The following OR51B5 variants were observed in gnomAD, a reference collection of about 807,000 sequenced individuals.
OR51B5 encodes the protein olfactory receptor family 51 subfamily B member 5.
For synonymous variants in OR51B5, 186 were observed against 144.8 expected (o/e 1.28, Z -2.04); for missense variants, 456 against 374.6 (o/e 1.22, Z -1.79).
At chr11:5,496,673 A>C (rs1436644207) in intron 1 of OR51B5, among the ~76,000 whole-genome samples, 1 of 152,108 alleles carries the variant, frequency 6.6e-6, no homozygotes, top group Non-Finnish European at 1.5e-5. Context: ...TTTTCAGTGC[A>C]CCTTTGAGTG....
At chr11:5,505,027 A>C (rs1846351551) in intron 1 of OR51B5, among the ~76,000 whole-genome samples, 1 of 152,256 alleles carries the variant, frequency 6.6e-6, no homozygotes, top group Admixed American at 6.5e-5. Context: ...CCTGATGAGC[A>C]GGGCTTAACT....
At chr11:5,505,042 A>C (rs966393878) in intron 1 of OR51B5, among the ~76,000 whole-genome samples, 1 of 152,222 alleles carries the variant, frequency 6.6e-6, no homozygotes, top group Non-Finnish European at 1.5e-5. Flanking sequence ...TTAACTTCAA[A>C]GGAGCCTCAG....
chr11:5,383,145 AG>A (rs1363736246), intron 1 of OR51B5, among the ~76,000 whole-genome samples: 2 of 152,062 alleles, frequency 1.3e-5, no homozygotes, highest in Non-Finnish European at 2.9e-5. Context: ...GAAGGAAAAA[AG>A]TTTTGTAAAG....
At chr11:5,415,042 A>C (rs1850218020) in intron 1 of OR51B5, among the ~76,000 whole-genome samples, 1 of 152,242 alleles carries the variant, frequency 6.6e-6, no homozygotes, top group Non-Finnish European at 1.5e-5. Context: ...TCTCCTCAGC[A>C]AATGTAAAAG....
At position 5,422,718 on chromosome 11, in the gene OR51B5, C is replaced by T. The variant is rs963859099; in HGVS notation, n.85-75808G>A. On this transcript the variant is annotated intron_variant and non_coding_transcript_variant, in intron 1 of 4. Coordinates refer to the OR51B5 transcript ENST00000415970. ...CTCAAGCGACTGCCTTTCTGCCACTCCCACCTTCTCTCTCGCTCCTATTGC... is the reference window on the plus strand; with the variant it reads ...CTCAAGCGACTGCCTTTCTGCCACTTCCACCTTCTCTCTCGCTCCTATTGC... 3 of 1,613,924 alleles carry T rather than the reference C, an allele frequency of 1.9e-6. No homozygotes were observed. The African/African-American group carries it at 4.0e-5, about 22-fold the overall frequency.
At chr11:5,464,739 A>G (rs1453103340) in intron 1 of OR51B5, among the ~76,000 whole-genome samples, 1 of 152,200 alleles carries the variant, frequency 6.6e-6, no homozygotes, top group Non-Finnish European at 1.5e-5. Context: ...TAATGCCACA[A>G]TAAACATACG....
intron 1 of OR51B5, among the ~76,000 whole-genome samples, chr11:5,476,369 T>TG (rs944389161): frequency 6.6e-6 from 1 of 152,198 alleles, no homozygotes; most frequent in African/African-American, 2.4e-5. Context: ...CACCAGCATT[T>TG]GAACCTAGGT....
intron 1 of OR51B5, among the ~76,000 whole-genome samples, chr11:5,472,468 A>C (rs1439898135): frequency 6.6e-6 from 1 of 152,112 alleles, no homozygotes; most frequent in African/African-American, 2.4e-5. Context: ...CACACACTGC[A>C]CACAGCCCCA....
chr11:5,481,085 T>C (rs1241686407), intron 1 of OR51B5, among the ~76,000 whole-genome samples: 1 of 61,998 alleles, frequency 1.6e-5, no homozygotes, highest in Non-Finnish European at 3.7e-5. Flanking sequence ...ATATCCTTGA[T>C]GAACATTGAT....
At chr11:5,489,741 G>T (rs181564021) in intron 1 of OR51B5, 9 of 956,118 alleles carry the variant, frequency 9.4e-6, no homozygotes, top group Non-Finnish European at 1.5e-5. Flanking sequence ...ACACAGTGAT[G>T]ATGTGAAAGG....
At chr11:5,425,630 G>A (rs926754177) in intron 1 of OR51B5, among the ~76,000 whole-genome samples, 29 of 152,114 alleles carry the variant, frequency 1.9e-4, no homozygotes, top group Admixed American at 1.9e-3. Context: ...AAATGTGTCT[G>A]CAAAATTATT....
intron 1 of OR51B5, among the ~76,000 whole-genome samples, chr11:5,444,590 G>A (rs1342618944): frequency 1.3e-5 from 2 of 152,130 alleles, no homozygotes; most frequent in East Asian, 1.9e-4. Context: ...GGTGGGCAGT[G>A]TGAAGCAGGG....
At chr11:5,438,882 C>T (rs1355181174) in intron 1 of OR51B5, among the ~76,000 whole-genome samples, 3 of 152,106 alleles carry the variant, frequency 2.0e-5, no homozygotes, top group Non-Finnish European at 4.4e-5. Flanking sequence ...TGCAGGTAAA[C>T]GCTTGGTAAA....
chr11:5,342,135 A>ATTGT (rs202205005), downstream of OR51B5, among the ~76,000 whole-genome samples: 921 of 152,296 alleles, frequency 6.0e-3, 8 homozygotes, highest in African/African-American at 0.021. Flanking sequence ...ATAGGTTCCC[A>ATTGT]TTGTTTGTAT....
At chr11:5,342,548 T>G, downstream of OR51B5, 1 of 1,528,682 alleles carries the variant, frequency 6.5e-7, no homozygotes. Flanking sequence ...AATATTAGAG[T>G]TTTTACATTC....
chr11:5,429,097 A>C (rs1850493425), intron 1 of OR51B5, among the ~76,000 whole-genome samples: 1 of 152,162 alleles, frequency 6.6e-6, no homozygotes, highest in Non-Finnish European at 1.5e-5. Context: ...CACCCACCAC[A>C]CACAGAGCCA....
chr11:5,347,756 TGGAA>T (rs773178946), upstream of OR51B5, among the ~76,000 whole-genome samples: 2 of 150,714 alleles, frequency 1.3e-5, no homozygotes, highest in Non-Finnish European at 3.0e-5. Flanking sequence ...GAGAAAAAGA[TGGAA>T]GGAAGGAGGT....
At chr11:5,401,755 T>A (rs1348356501) in intron 1 of OR51B5, among the ~76,000 whole-genome samples, 1 of 152,138 alleles carries the variant, frequency 6.6e-6, no homozygotes, top group Non-Finnish European at 1.5e-5. Context: ...CTCAAGGCAG[T>A]CATTTCTCTC....
intron 1 of OR51B5, among the ~76,000 whole-genome samples, chr11:5,396,723 C>A (rs1849877748): frequency 6.6e-6 from 1 of 151,492 alleles, no homozygotes; most frequent in African/African-American, 2.4e-5. Context: ...CATATGGAAC[C>A]AAAAAAGAGC....
Sources: allele counts gnomAD v4.1 joint callset (sites outside exome capture counted in the v4.1 genomes callset), GRCh38; gene constraint gnomAD v4.1.1; transcripts MANE v1.5; gene names NCBI Gene and HGNC (gene_info 2026-07-23, HGNC 2026-07-21).